ARHGAP28: variants seen among roughly 807,000 people sequenced by gnomAD.
ARHGAP28 encodes the protein Rho GTPase activating protein 28, also known as rho GTPase-activating protein 28.
In ARHGAP28, 56 loss-of-function variants were observed where a neutral mutation model predicts 90.7. That is an observed-to-expected ratio of 0.62 (90% confidence interval 0.50 to 0.77). The LOEUF is 0.77. Ranked by LOEUF, ARHGAP28 falls within the 30% of genes least tolerant of loss-of-function variation. The pLI is 0.00. For missense variants in ARHGAP28, 869 were observed against 900.9 expected, an observed-to-expected ratio of 0.96 and a Z score of 0.45; for synonymous variants, 308 against 323.3, an observed-to-expected ratio of 0.95 and a Z score of 0.51.
intron 1 of ARHGAP28, among the ~76,000 whole-genome samples, chr18:6,747,066 A>G (rs963489626): frequency 7.9e-6 from 1 of 126,126 alleles, no homozygotes; most frequent in African/African-American, 3.0e-5. Flanking sequence ...TCATCCATTT[A>G]TTTTCTTTTT....
At chr18:6,785,354 C>A (rs951203959) in intron 1 of ARHGAP28, among the ~76,000 whole-genome samples, 1 of 152,156 alleles carries the variant, frequency 6.6e-6, no homozygotes, top group Non-Finnish European at 1.5e-5. Context: ...CCAGGTGTGT[C>A]ACTCAAAATT....
intron 7 of ARHGAP28, among the ~76,000 whole-genome samples, 171 bp downstream of exon 7, chr18:6,870,903 C>T (rs187058003): frequency 2.4e-3 from 372 of 152,186 alleles, no homozygotes; most frequent in Non-Finnish European, 3.5e-3. Flanking sequence ...CGGGTTCACG[C>T]CATTCTCCTG....
chr18:6,739,066 G>GC (rs1439417425), intron 1 of ARHGAP28, among the ~76,000 whole-genome samples: 6 of 152,294 alleles, frequency 3.9e-5, no homozygotes, highest in African/African-American at 1.4e-4. Flanking sequence ...TGTGACACAG[G>GC]AAGAAACTGA....
intron 10 of ARHGAP28, among the ~76,000 whole-genome samples, chr18:6,881,455 A>C (rs534997367): frequency 6.6e-6 from 1 of 152,226 alleles, no homozygotes; most frequent in African/African-American, 2.4e-5. Context: ...TGGCATTGAT[A>C]ATCAGATGAA....
At chr18:6,842,118 G>A (rs1279650485) in intron 3 of ARHGAP28, among the ~76,000 whole-genome samples, 1 of 152,158 alleles carries the variant, frequency 6.6e-6, no homozygotes, top group Non-Finnish European at 1.5e-5. Context: ...GGAGGTCAAG[G>A]CAAGAGGATG....
chr18:6,730,163 G>A, intron 1 of ARHGAP28: 1 of 336,608 alleles, frequency 3.0e-6, no homozygotes. Flanking sequence ...TCGTTGGCTA[G>A]CAGAGATTAG....
At chr18:6,900,225 C>T (rs2057331173) in intron 16 of ARHGAP28, among the ~76,000 whole-genome samples, 1 of 151,820 alleles carries the variant, frequency 6.6e-6, no homozygotes, top group South Asian at 2.1e-4. Flanking sequence ...TTAAATAAGC[C>T]CCAGAGTCTC....
At chr18:6,753,101 T>A (rs1014380394) in intron 1 of ARHGAP28, among the ~76,000 whole-genome samples, 1 of 152,154 alleles carries the variant, frequency 6.6e-6, no homozygotes, top group African/African-American at 2.4e-5. Context: ...TAGATGTAAT[T>A]TGCGAGGAGG....
chr18:6,788,877 C>T (rs987036912), intron 1 of ARHGAP28: 6 of 152,122 alleles, frequency 3.9e-5, no homozygotes, highest in Non-Finnish European at 8.8e-5. Flanking sequence ...CCTGTGGCCA[C>T]CTCTGTCTTA....
chr18:6,752,751 G>T (rs950916733), intron 1 of ARHGAP28, among the ~76,000 whole-genome samples: 1 of 152,132 alleles, frequency 6.6e-6, no homozygotes, highest in Non-Finnish European at 1.5e-5. Context: ...CAGCTTAAGA[G>T]TATGGACCAG....
intron 10 of ARHGAP28, among the ~76,000 whole-genome samples, chr18:6,877,651 C>G (rs1218664652): frequency 3.9e-5 from 6 of 152,160 alleles, no homozygotes; most frequent in Non-Finnish European, 8.8e-5. Flanking sequence ...AATGCTGGCA[C>G]AAGTTCTTGT....
Position 6,748,858 on chromosome 18 carries a change from G to GTTTGT in ARHGAP28, c.122+18919_122+18920insTTTTG, listed in dbSNP as rs530378071. On this transcript the variant is annotated intron_variant, in intron 1 of 17. Coordinates refer to ENST00000383472, the MANE Select transcript of ARHGAP28 (RefSeq NM_001366230.1). ...TTTGTGGCCCATTTCCTAAATGGGA[G>GTTTGT]TTTGGTCTGTGTTTCTAGTGCCTTC... is the stretch of plus-strand genomic sequence containing the variant. Among the ~76,000 whole-genome samples, 301 of 152,284 alleles carry GTTTGT rather than the reference G, an allele frequency of 2.0e-3. 3 individuals are homozygous for GTTTGT. In the Middle Eastern group the frequency reaches 0.027, roughly 14 times the overall value.
At chr18:6,838,457 G>A (rs375507650) in intron 3 of ARHGAP28, among the ~76,000 whole-genome samples, 10 of 152,090 alleles carry the variant, frequency 6.6e-5, no homozygotes, top group African/African-American at 1.4e-4. Flanking sequence ...TTGCCAAGGC[G>A]GCTCATATAG....
chr18:6,734,449 G>A (rs868005382), intron 1 of ARHGAP28, among the ~76,000 whole-genome samples: 2 of 152,052 alleles, frequency 1.3e-5, no homozygotes, highest in South Asian at 2.1e-4. Context: ...ACTCTTCCTC[G>A]AAAACAAATA....
At chr18:6,815,933 A>G (rs1457809920) in intron 1 of ARHGAP28, among the ~76,000 whole-genome samples, 1 of 151,572 alleles carries the variant, frequency 6.6e-6, no homozygotes, top group Non-Finnish European at 1.5e-5. Flanking sequence ...AAAGAATCCA[A>G]CCCTCCATAT....
chr18:6,912,213 T>C lies in ARHGAP28; in HGVS notation c.*59T>C, dbSNP rs1239098184. On this transcript the variant is annotated 3_prime_UTR_variant, in exon 18 of 18. Coordinates refer to ENST00000383472, the MANE Select transcript of ARHGAP28 (RefSeq NM_001366230.1). ...ATGCCAAAAAGATCCTACATTTTGG[T>C]AGGGAAAAAACAACACTGTGTTTGA... 9.4e-7 allele frequency: 1 copy of C among 1,062,686 alleles called. No homozygotes were observed. The highest frequency in any genetic ancestry group is 1.6e-5 in the African/African-American group (1 of 63,176). 65.8% of individuals were successfully genotyped at this position (1,062,686 alleles called of 1,614,324 possible). A position where few individuals can be genotyped will look rare whatever the true frequency, so the allele number is the denominator to read the frequency against.
At chr18:6,866,548 A>G (rs963151097) in intron 5 of ARHGAP28, among the ~76,000 whole-genome samples, 2 of 152,070 alleles carry the variant, frequency 1.3e-5, no homozygotes, top group African/African-American at 4.8e-5. Context: ...TTCCCTCTCA[A>G]TCGCTCTCCA....
chr18:6,808,430 A>T (rs1291957863), intron 1 of ARHGAP28, among the ~76,000 whole-genome samples: 1 of 151,504 alleles, frequency 6.6e-6, no homozygotes, highest in Non-Finnish European at 1.5e-5. Context: ...TCTTCTCATT[A>T]TTTGTTCCTT....
chr18:6,812,403 T>A (rs1435873099), intron 1 of ARHGAP28, among the ~76,000 whole-genome samples: 1 of 152,188 alleles, frequency 6.6e-6, no homozygotes, highest in African/African-American at 2.4e-5. Context: ...GCTCAACAGA[T>A]TTGCTCACAA....
Sources: gnomAD v4.1 joint callset for allele counts (sites outside exome capture counted in the v4.1 genomes callset) on GRCh38, gnomAD v4.1.1 for gene constraint, MANE v1.5 for transcripts, NCBI Gene and HGNC (gene_info 2026-07-23, HGNC 2026-07-21) for gene names.